Variants in PPFIA2 observed in about 807,000 individuals in gnomAD.
PPFIA2 encodes liprin-alpha-2.
A neutral mutation model predicts 175.5 loss-of-function variants in PPFIA2; 46 were observed. The ratio of observed to expected loss-of-function variants is 0.26; its 90% CI spans 0.21 to 0.34. The LOEUF is 0.34. PPFIA2 is among the 10% of genes least tolerant of loss of function. The probability of loss-of-function intolerance (pLI) is 1.00; values close to 1 mark genes in which losing one functional copy is unlikely to be tolerated. For synonymous variants in PPFIA2, 568 were observed against 511.4 expected, an observed-to-expected ratio of 1.11 and a Z score of -1.49; for missense variants, 1,179 against 1,506.1, an observed-to-expected ratio of 0.78 and a Z score of 3.60.
At chr12:81,362,503 C>T (rs959881585) in intron 15 of PPFIA2, among the ~76,000 whole-genome samples, 190 bp downstream of exon 15, 3 of 151,254 alleles carry the variant, frequency 2.0e-5, no homozygotes, top group Admixed American at 6.6e-5. Context: ...TGATTATCTA[C>T]AGAAATAATC....
intron 4 of PPFIA2, among the ~76,000 whole-genome samples, chr12:81,535,116 T>C (rs1228015618): frequency 6.6e-6 from 1 of 151,774 alleles, no homozygotes; most frequent in Non-Finnish European, 1.5e-5. Flanking sequence ...TACATATATA[T>C]GTCTCCATAT....
chr12:81,624,138 G>T (rs1228813489), intron 4 of PPFIA2, among the ~76,000 whole-genome samples: 2 of 151,830 alleles, frequency 1.3e-5, no homozygotes, highest in Non-Finnish European at 2.9e-5. Flanking sequence ...AATGTCAAAA[G>T]ATGCTCTTCT....
At chr12:81,382,013 TG>T (rs1219200867) in intron 9 of PPFIA2, among the ~76,000 whole-genome samples, 1 of 151,994 alleles carries the variant, frequency 6.6e-6, no homozygotes, top group Non-Finnish European at 1.5e-5. Context: ...TACGAATAGT[TG>T]GGGTGGGAGG....
intron 3 of PPFIA2, among the ~76,000 whole-genome samples, chr12:81,688,634 A>G (rs2074775779): frequency 6.6e-6 from 1 of 150,996 alleles, no homozygotes; most frequent in Non-Finnish European, 1.5e-5. Context: ...GCCTATCGGA[A>G]GTGATTTTTG....
At chr12:81,699,491 A>T (rs1014847298) in intron 3 of PPFIA2, among the ~76,000 whole-genome samples, 1 of 151,774 alleles carries the variant, frequency 6.6e-6, no homozygotes, top group African/African-American at 2.4e-5. Context: ...TCATAGTCAT[A>T]GTAATATTAT....
chr12:81,368,057 A>G (rs766216673), intron 13 of PPFIA2: 14 of 1,206,458 alleles, frequency 1.2e-5, no homozygotes, highest in African/African-American at 6.3e-5. Flanking sequence ...TTGGCATTCA[A>G]TCTAGATTTC....
At chr12:81,421,379 A>G (rs1336615203) in intron 7 of PPFIA2, among the ~76,000 whole-genome samples, 3 of 152,080 alleles carry the variant, frequency 2.0e-5, no homozygotes, top group African/African-American at 7.2e-5. Flanking sequence ...CTCTAACTAC[A>G]AGAACACAAA....
At chr12:81,758,239 A>G (rs960248509) in intron 2 of PPFIA2, among the ~76,000 whole-genome samples, 161 bp downstream of exon 2, 45 of 151,752 alleles carry the variant, frequency 3.0e-4, no homozygotes, top group African/African-American at 9.2e-4. Context: ...GGAGGTAGAG[A>G]GATAGGAGAT....
chr12:81,553,279 T>A (rs1226881332), intron 4 of PPFIA2, among the ~76,000 whole-genome samples: 1 of 152,076 alleles, frequency 6.6e-6, no homozygotes, highest in Non-Finnish European at 1.5e-5. Flanking sequence ...AGCATTAGAA[T>A]GTAACTAACT....
At chr12:81,353,600 T>C (rs922277023) in intron 16 of PPFIA2, among the ~76,000 whole-genome samples, 2 of 152,204 alleles carry the variant, frequency 1.3e-5, no homozygotes, top group African/African-American at 4.8e-5. Flanking sequence ...AGTTCAATCA[T>C]ATTCCAAGGT....
At chr12:81,347,838 G>A in intron 17 of PPFIA2, 68 bp from the exon 18 acceptor site, 1 of 1,549,716 alleles carries the variant, frequency 6.5e-7, no homozygotes, top group Admixed American at 2.3e-5. Flanking sequence ...CTGCTGTAAG[G>A]ATCATTGGAA....
At chr12:81,336,971 G>A (rs1448386083) in intron 21 of PPFIA2, among the ~76,000 whole-genome samples, 1 of 152,078 alleles carries the variant, frequency 6.6e-6, no homozygotes, top group Non-Finnish European at 1.5e-5. Context: ...TTGGAAAAAT[G>A]TGCATGGTCT....
chr12:81,723,036 C>G (rs1399565030), intron 3 of PPFIA2, among the ~76,000 whole-genome samples: 2 of 150,930 alleles, frequency 1.3e-5, no homozygotes, highest in Non-Finnish European at 3.0e-5. Context: ...AGAATTTAAC[C>G]TCCTATGATC....
intron 22 of PPFIA2, among the ~76,000 whole-genome samples, chr12:81,300,493 CAG>C (rs1407205513): frequency 6.6e-6 from 1 of 152,050 alleles, no homozygotes; most frequent in East Asian, 1.9e-4. Flanking sequence ...CCTTTCAACA[CAG>C]AGTTTTCTGT....
chr12:81,604,887 A>T (rs571890283), intron 4 of PPFIA2, among the ~76,000 whole-genome samples: 1 of 151,908 alleles, frequency 6.6e-6, no homozygotes, highest in Non-Finnish European at 1.5e-5. Context: ...AACTATACTT[A>T]ACTTAAAACG....
intron 8 of PPFIA2, among the ~76,000 whole-genome samples, chr12:81,401,668 C>G (rs2142755238): frequency 6.6e-6 from 1 of 152,206 alleles, no homozygotes; most frequent in South Asian, 2.1e-4. Flanking sequence ...CATCAGTTAG[C>G]AAATACTTGC....
intron 4 of PPFIA2, among the ~76,000 whole-genome samples, chr12:81,571,360 AG>A (rs999172337): frequency 1.4e-4 from 22 of 152,136 alleles, no homozygotes; most frequent in African/African-American, 5.3e-4. Context: ...GCAGAATATT[AG>A]AAGGAAAATA....
chr12:81,459,282 A>G (rs2054117178), intron 4 of PPFIA2, among the ~76,000 whole-genome samples: 1 of 152,176 alleles, frequency 6.6e-6, no homozygotes, highest in Non-Finnish European at 1.5e-5. Context: ...AGAAAACAAT[A>G]AACCTTTCTC....
intron 4 of PPFIA2, among the ~76,000 whole-genome samples, chr12:81,641,001 T>C (rs1432920972): frequency 2.6e-5 from 4 of 152,136 alleles, no homozygotes; most frequent in African/African-American, 9.7e-5. Flanking sequence ...TGCACATATT[T>C]ATAGGATACA....
Sources: allele counts gnomAD v4.1 joint callset (sites outside exome capture counted in the v4.1 genomes callset), GRCh38; gene constraint gnomAD v4.1.1; transcripts MANE v1.5; gene names NCBI Gene and HGNC (gene_info 2026-07-23, HGNC 2026-07-21).